Variants in SCHIP1 observed in about 807,000 individuals in gnomAD.
SCHIP1 encodes schwannomin-interacting protein 1.
A neutral mutation model predicts 29.7 loss-of-function variants in SCHIP1; 8 were observed. The observed-to-expected ratio is 0.27, with a 90% CI of 0.16 to 0.49. SCHIP1 has a LOEUF of 0.49. Among genes scored for constraint, SCHIP1 ranks in the 20% least tolerant of loss-of-function variants. The pLI is 0.99. For synonymous variants in SCHIP1, 76 were observed against 94.9 expected (o/e 0.80, Z 1.16); for missense variants, 193 against 294.6 (o/e 0.66, Z 2.52).
chr3:159,378,829 TA>T, the SCHIP1 span, among the ~76,000 whole-genome samples: 2 of 152,240 alleles, frequency 1.3e-5, no homozygotes, highest in Non-Finnish European at 2.9e-5. Flanking sequence ...TGCCCAAACC[TA>T]AATCAAAATT....
At chr3:159,273,771 GA>G in the SCHIP1 span, 4 of 1,605,854 alleles carry the variant, frequency 2.5e-6, no homozygotes, top group Non-Finnish European at 3.4e-6. Flanking sequence ...AAGCCAATTT[GA>G]ATAAACAACT....
chr3:159,428,345 A>T, the SCHIP1 span, among the ~76,000 whole-genome samples: 1 of 151,126 alleles, frequency 6.6e-6, no homozygotes. Flanking sequence ...AAACAAATTT[A>T]CAAGAAAAAA....
intron 2 of SCHIP1, among the ~76,000 whole-genome samples, chr3:159,883,841 C>T (rs1319837278): frequency 2.6e-5 from 4 of 151,428 alleles, no homozygotes; most frequent in Non-Finnish European, 4.4e-5. Context: ...ACTACTAAAT[C>T]TCCCCCAACT....
chr3:159,485,011 A>G, the SCHIP1 span, among the ~76,000 whole-genome samples: 1 of 152,188 alleles, frequency 6.6e-6, no homozygotes, highest in Non-Finnish European at 1.5e-5. Flanking sequence ...ATTATCTCAT[A>G]TATTTGACCT....
At chr3:159,597,884 GT>G in the SCHIP1 span, among the ~76,000 whole-genome samples, 1 of 152,128 alleles carries the variant, frequency 6.6e-6, no homozygotes, top group South Asian at 2.1e-4. Context: ...AACAAAAGAG[GT>G]TTCATGGACT....
chr3:159,721,146 T>C, the SCHIP1 span, among the ~76,000 whole-genome samples: 1 of 152,154 alleles, frequency 6.6e-6, no homozygotes, highest in Non-Finnish European at 1.5e-5. Context: ...TATGTGAAAG[T>C]AGAAGACATG....
the SCHIP1 span, among the ~76,000 whole-genome samples, chr3:159,476,932 A>G: frequency 6.6e-6 from 1 of 152,122 alleles, no homozygotes; most frequent in East Asian, 1.9e-4. Flanking sequence ...ACTTTTGCCC[A>G]ACAATTCCAT....
chr3:159,295,729 G>T, the SCHIP1 span, among the ~76,000 whole-genome samples: 3 of 152,108 alleles, frequency 2.0e-5, no homozygotes, highest in African/African-American at 7.2e-5. Flanking sequence ...TGTTGCCCCT[G>T]CCCTGTGTTA....
the SCHIP1 span, among the ~76,000 whole-genome samples, chr3:159,577,565 G>T: frequency 6.6e-6 from 1 of 152,166 alleles, no homozygotes; most frequent in Non-Finnish European, 1.5e-5. Flanking sequence ...AGCAGGGTGG[G>T]AGTGATGCAA....
At chr3:159,676,994 A>C in the SCHIP1 span, among the ~76,000 whole-genome samples, 1 of 152,084 alleles carries the variant, frequency 6.6e-6, no homozygotes, top group Non-Finnish European at 1.5e-5. Flanking sequence ...TACTAACAAC[A>C]CTGCCCTTAG....
At chr3:159,742,825 G>A in the SCHIP1 span, among the ~76,000 whole-genome samples, 8,056 of 147,930 alleles carry the variant, frequency 0.054, 278 homozygotes, top group Non-Finnish European at 0.081. Context: ...CTGCCACCAC[G>A]CCTAGCTAAT....
the SCHIP1 span, among the ~76,000 whole-genome samples, chr3:159,795,986 T>C: frequency 6.6e-6 from 1 of 152,220 alleles, no homozygotes; most frequent in Non-Finnish European, 1.5e-5. Flanking sequence ...GGTTAGAGTT[T>C]GGCAAACTGC....
the SCHIP1 span, among the ~76,000 whole-genome samples, chr3:159,388,291 T>C: frequency 4.0e-4 from 61 of 152,042 alleles, no homozygotes; most frequent in Non-Finnish European, 5.6e-4. Context: ...ATACCACCAA[T>C]TGCACTTAGA....
At chr3:159,703,364 G>A in the SCHIP1 span, among the ~76,000 whole-genome samples, 583 of 152,236 alleles carry the variant, frequency 3.8e-3, 1 homozygote, top group African/African-American at 0.013. Flanking sequence ...CTAAGAACAC[G>A]TGGTAGAGGA....
the SCHIP1 span, among the ~76,000 whole-genome samples, chr3:159,789,598 A>C: frequency 6.6e-6 from 1 of 152,248 alleles, no homozygotes; most frequent in Non-Finnish European, 1.5e-5. Context: ...CACACTCCTG[A>C]TTCAGGAGGT....
At chr3:159,285,356 A>G in the SCHIP1 span, among the ~76,000 whole-genome samples, 119,091 of 152,022 alleles carry the variant, frequency 0.78, 47,931 homozygotes, top group African/African-American at 0.95. Context: ...TCTATTTGCT[A>G]ATAGATAACA....
At chr3:159,892,274 A>G in intron 6 of SCHIP1, 84 bp downstream of exon 7, 1 of 1,492,490 alleles carries the variant, frequency 6.7e-7, no homozygotes, top group Non-Finnish European at 9.2e-7. Context: ...AGCTCAAGAG[A>G]ACTTCTTCCT....
At chr3:159,807,132 C>A in the SCHIP1 span, among the ~76,000 whole-genome samples, 20,123 of 152,170 alleles carry the variant, frequency 0.13, 1,524 homozygotes, top group Middle Eastern at 0.29. Flanking sequence ...GATACATCGC[C>A]TTCTTGCAGA....
chr3:159,888,009 G>A (rs1049221434), intron 4 of SCHIP1, 104 bp downstream of exon 5: 117 of 1,470,696 alleles, frequency 8.0e-5, no homozygotes, highest in Non-Finnish European at 9.9e-5. Flanking sequence ...TTTCTCTAAG[G>A]CGGTTTGTAA....
Sources: gnomAD v4.1 joint callset for allele counts (sites outside exome capture counted in the v4.1 genomes callset) on GRCh38, gnomAD v4.1.1 for gene constraint, MANE v1.5 for transcripts, NCBI Gene and HGNC (gene_info 2026-07-23, HGNC 2026-07-21) for gene names.